Variants in PRR12 observed in about 807,000 individuals in gnomAD.
The protein encoded by PRR12 is proline rich 12, also known as proline-rich protein 12.
A neutral mutation model predicts 138.0 loss-of-function variants in PRR12; 12 were observed. That is an observed-to-expected ratio of 0.09 (90% CI 0.06 to 0.14). The LOEUF (loss-of-function observed/expected upper bound fraction) is 0.14. PRR12 is among the 10% of genes least tolerant of loss of function. The pLI, the probability that PRR12 is intolerant of heterozygous loss-of-function variation, is 1.00. For missense variants in PRR12, 2,692 were observed against 2,861.3 expected (o/e 0.94, Z 1.35); for synonymous variants, 1,567 against 1,291.7 (o/e 1.21, Z -4.57).
rs73934020 is a variant in PRR12 at position 49,614,305 on chromosome 19, G to C, written c.4774-228G>C. 2.6e-4 allele frequency among the ~76,000 whole-genome samples: 39 copies of C among 152,312 alleles called. No individual in the cohort carries two copies. The highest frequency in any genetic ancestry group is 9.1e-4 in the African/African-American group (38 of 41,574). ...AATAGTGACTCAAACTCTACAGCCT[G>C]AGAACGAGCAGCCCAATCCAGGGTA... is the stretch of plus-strand genomic sequence containing the variant. On this transcript the variant is annotated intron_variant, in intron 6 of 13. Coordinates refer to ENST00000418929, the MANE Select transcript of PRR12 (RefSeq NM_020719.3). The surrounding 1 kb of genome is among the most constrained non-coding windows in gnomAD (Gnocchi z 5.0).
At position 49,616,149 on chromosome 19, in the gene PRR12, T is replaced by C. The variant is rs1430696243; in HGVS notation, c.5427T>C (p.Ala1809=). ...GGCTGAAGGAGGCAGGCGGCAACGC[T>C]ACAGCAGGCGGGGGCCCACCAGGCA... ...KKWLKEAGGN[A]TAGGGPPGSS... Residue 1809 remains alanine, a synonymous_variant, in exon 9 of 14, where the codon GCT becomes GCC. Transcript: ENST00000418929. This position sits in a 1 kb window ranked among gnomAD's most constrained non-coding sequence, Gnocchi z 4.2. The C allele has an allele frequency of 6.4e-7, 1 of 1,564,172 alleles. No homozygotes were observed. The highest frequency in any genetic ancestry group is 8.7e-7 in the Non-Finnish European group (1 of 1,154,974).
rs922669055 is a variant in PRR12, at chr19:49,615,185, G to A, written c.5024+176G>A. Among the ~76,000 whole-genome samples, 16 of 151,164 alleles carry A rather than the reference G, an allele frequency of 1.1e-4. No homozygotes were observed. In the East Asian group the frequency reaches 1.2e-3, roughly 11 times the overall value. On this transcript the variant is annotated intron_variant, in intron 8 of 13. Coordinates refer to ENST00000418929, the MANE Select transcript of PRR12 (RefSeq NM_020719.3). ...AAATAGGGACAGAGACCCAGAGAAG[G>A]GGGGATAGAGACCCAGAGACAGGAG...
rs1452648194 is a variant in PRR12 at position 49,625,577 on chromosome 19, C to T, written c.6081C>T (p.Ala2027=). 1 of 1,611,254 alleles carries T rather than the reference C, an allele frequency of 6.2e-7. No individual in the cohort carries two copies. The highest frequency in any genetic ancestry group is 8.5e-7 in the Non-Finnish European group (1 of 1,178,892). Residue 2027 remains alanine (A), a synonymous_variant, in exon 14 of 14, where the codon GCC becomes GCT. Coordinates refer to ENST00000418929, the MANE Select transcript of PRR12 (RefSeq NM_020719.3). This position sits in a 1 kb window ranked among gnomAD's most constrained non-coding sequence, Gnocchi z 5.5. ...TTGACTCCTTCAGTGACCTGCTGGC[C>T]CAAGCACAGGCCCACAGCCGCTGCG... ...QLFDSFSDLL[A]QAQAHSRCG is the part of the protein sequence containing the mutation.
chr19:49,615,911 A>G lies in PRR12; in HGVS notation c.5189A>G (p.Glu1730Gly). ...GCCATGCCTGAGCCCCCTGCCCCCG[A>G]GAAGCCCTCCCTCCTGCGGCCTGTT... Reference protein sequence around the residue: ...ETAMPEPPAPEKPSLLRPVEK... With the variant: ...ETAMPEPPAPGKPSLLRPVEK... The change falls in exon 9 of 14, where the codon GAG becomes GGG. Residue 1730 changes from glutamate to glycine, a missense_variant. This residue lies in a region of PRR12 where 259 missense variants were observed against 265.1 expected (regional missense o/e 0.98). Transcript: ENST00000418929. 5 of 1,563,216 alleles carry G rather than the reference A, an allele frequency of 3.2e-6. No homozygotes were observed. The highest frequency in any genetic ancestry group is 4.3e-6 in the Non-Finnish European group (5 of 1,153,824).
Position 49,625,724 on chromosome 19 carries a change from G to C in PRR12, c.*117G>C, listed in dbSNP as rs1035396358. The C allele has an allele frequency of 8.8e-6, 12 of 1,371,014 alleles. No individual in the cohort carries two copies. The highest frequency in any genetic ancestry group is 4.5e-4 in the Middle Eastern group (2 of 4,408). The allele number at this position is 1,371,014 out of a possible 1,614,324, so 84.9% of individuals were successfully genotyped here. On this transcript the variant is annotated 3_prime_UTR_variant, in exon 14 of 14. Coordinates refer to ENST00000418929, the MANE Select transcript of PRR12 (RefSeq NM_020719.3). The surrounding 1 kb of genome is among the most constrained non-coding windows in gnomAD (Gnocchi z 5.5). ...GCCGGGGAAAGGGGGTCATGGGTCAGGGTGTGTCTGTGCTGCCCCCTCCAG... is the reference window on the plus strand; with the variant it reads ...GCCGGGGAAAGGGGGTCATGGGTCACGGTGTGTCTGTGCTGCCCCCTCCAG...
chr19:49,625,667 G>A lies in PRR12; in HGVS notation c.*60G>A, dbSNP rs893145346. ...ATGAACCGAGAATTGGGACAGAACC[G>A]TGTCCTCAGGAGCTAACACCTGGGC... is the stretch of plus-strand genomic sequence containing the variant. On this transcript the variant is annotated 3_prime_UTR_variant, in exon 14 of 14. Transcript: ENST00000418929. This position sits in a 1 kb window ranked among gnomAD's most constrained non-coding sequence, Gnocchi z 5.5. 2.7e-5 allele frequency: 41 copies of A among 1,530,480 alleles called. No homozygotes were observed. The highest frequency in any genetic ancestry group is 9.1e-5 in the East Asian group (4 of 43,740). 94.8% of individuals were successfully genotyped at this position (1,530,480 alleles called of 1,614,324 possible).
At chr19:49,604,723 T>C (rs1020360074) in intron 6 of PRR12, among the ~76,000 whole-genome samples, 7 of 152,116 alleles carry the variant, frequency 4.6e-5, no homozygotes, top group African/African-American at 1.7e-4. Context: ...TAAATGACCG[T>C]CACCACCATC....
Position 49,593,402 on chromosome 19 carries a change from C to G in PRR12, c.162C>G (p.His54Gln), listed in dbSNP as rs2080742519. 1.2e-6 allele frequency: 2 copies of G among 1,611,380 alleles called. No individual in the cohort carries two copies. The highest frequency in any genetic ancestry group is 2.7e-5 in the African/African-American group (2 of 74,918). Residue 54 changes from histidine to glutamine, a missense_variant, in exon 2 of 14, where the codon CAC (histidine) becomes CAG (glutamine). Physicochemically the swap from His to Gln is conservative, Grantham distance 24 (BLOSUM62 0). Transcript: ENST00000418929. ...ILHRQAYAAP[H>Q]PLQSYATNHH... Reference sequence around the variant, plus strand: ...ACCGCCAGGCCTATGCGGCCCCCCACCCACTGCAAAGCTATGCCACCAACC... The same window carrying G: ...ACCGCCAGGCCTATGCGGCCCCCCAGCCACTGCAAAGCTATGCCACCAACC...
rs747295340 is a variant in PRR12 at position 49,597,883 on chromosome 19, C to T, written c.3548C>T (p.Thr1183Ile). 12 of 1,443,850 alleles carry T rather than the reference C, an allele frequency of 8.3e-6. No individual in the cohort carries two copies. In the African/African-American group the frequency reaches 1.5e-4, roughly 17 times the overall value. 89.4% of individuals were successfully genotyped at this position (1,443,850 alleles called of 1,614,324 possible). Residue 1183 changes from threonine to isoleucine, a missense_variant, in exon 4 of 14, where the codon ACC becomes ATC. Coordinates refer to ENST00000418929, the MANE Select transcript of PRR12 (RefSeq NM_020719.3). This position sits in a 1 kb window ranked among gnomAD's most constrained non-coding sequence, Gnocchi z 6.3. ...CGGATCCGCCCCCTGGAGGTCCCGA[C>T]CACTGCGGGGCCCGCCTCGGCCTCC... The part of the protein sequence containing the change: ...RPRIRPLEVP[T>I]TAGPASASTP...
chr19:49,596,476 C>T lies in PRR12; in HGVS notation c.2141C>T (p.Ala714Val). Residue 714 changes from alanine to valine, a missense_variant, in exon 4 of 14, where the codon GCC becomes GTC. By Grantham distance (64) the Ala-to-Val change is moderately conservative. Transcript: ENST00000418929. This position sits in a 1 kb window ranked among gnomAD's most constrained non-coding sequence, Gnocchi z 5.6. ...IRTSASLDEG[A>V]TAALELGLGR... ...ACCAGTGCCAGCCTGGATGAGGGTG[C>T]CACTGCGGCACTGGAGCTGGGCCTG... 6.2e-7 allele frequency: 1 copy of T among 1,610,792 alleles called. No individual in the cohort carries two copies. The highest frequency in any genetic ancestry group is 8.5e-7 in the Non-Finnish European group (1 of 1,179,210).
At chr19:49,592,077 T>G in intron 1 of PRR12, among the ~76,000 whole-genome samples, 2 of 147,762 alleles carry the variant, frequency 1.4e-5, no homozygotes, top group East Asian at 2.0e-4. Flanking sequence ...TGGTGACCCC[T>G]CCCCCCCGCG....
rs1334644270 is a variant in PRR12 at position 49,596,014 on chromosome 19, G to C, written c.1679G>C (p.Ser560Thr). The change falls in exon 4 of 14, where the codon AGC becomes ACC. Residue 560 changes from serine (S) to threonine (T), a missense_variant. Around this residue, in one of 11 missense-constraint regions of PRR12, gnomAD observed 66 missense variants for 102.4 expected, o/e 0.64. Transcript: ENST00000418929. This position sits in a 1 kb window ranked among gnomAD's most constrained non-coding sequence, Gnocchi z 5.6. ...TCCCTGGGAGGCGGCGGTGAGGCCA[G>C]CCCATCTCACATCATTCGTCCGCTC... ...PSSLGGGGEA[S>T]PSHIIRPLQS... 1 of 1,601,248 alleles carries C rather than the reference G, an allele frequency of 6.2e-7. No homozygotes were observed. The highest frequency in any genetic ancestry group is 8.5e-7 in the Non-Finnish European group (1 of 1,179,696).
Position 49,597,086 on chromosome 19 carries a change from C to A in PRR12, c.2751C>A (p.Ser917Arg). The A allele has an allele frequency of 6.4e-7, 1 of 1,552,074 alleles. No individual in the cohort carries two copies. The highest frequency in any genetic ancestry group is 8.7e-7 in the Non-Finnish European group (1 of 1,148,138). ...KDPAGAYRSPSPQGTKAPRFV... is the reference protein window; with the variant it reads ...KDPAGAYRSPRPQGTKAPRFV... The stretch of plus-strand genomic sequence containing the variant: ...CCGCAGGCGCCTACCGCAGCCCCAG[C>A]CCGCAAGGCACCAAGGCGCCGCGTT... Residue 917 changes from serine (S) to arginine (R), a missense_variant, in exon 4 of 14, where the codon AGC becomes AGA. By Grantham distance (110) the Ser-to-Arg change is moderately radical. Coordinates refer to ENST00000418929, the MANE Select transcript of PRR12 (RefSeq NM_020719.3). This position sits in a 1 kb window ranked among gnomAD's most constrained non-coding sequence, Gnocchi z 6.3.
At position 49,616,204 on chromosome 19, in the gene PRR12, GC is replaced by G; in HGVS notation, c.5487del (p.Ser1830AlafsTer29). The G allele has an allele frequency of 6.5e-7, 1 of 1,539,470 alleles. No individual in the cohort carries two copies. Among genetic ancestry groups the G allele is most frequent in the Non-Finnish European group, 8.8e-7 (1 of 1,141,492 alleles). ...SSSDSESSPG[A>X]PSEDERAVPG... ...CTCGGACTCGGAGTCCTCCCCTGGA[GC>G]CCCCAGCGAGGACGGTGAGGCCCTA... On this transcript the variant is annotated frameshift_variant, in exon 9 of 14. Coordinates refer to ENST00000418929, the MANE Select transcript of PRR12 (RefSeq NM_020719.3). LOFTEE classifies it high-confidence loss of function. The surrounding 1 kb of genome is among the most constrained non-coding windows in gnomAD (Gnocchi z 4.2).
Position 49,599,442 on chromosome 19 carries a change from C to A in PRR12, c.3849C>A (p.Ala1283=). Residue 1283 remains alanine, a synonymous_variant, in exon 5 of 14, where the codon GCC becomes GCA. Transcript: ENST00000418929. This position sits in a 1 kb window ranked among gnomAD's most constrained non-coding sequence, Gnocchi z 5.0. ...CGGAGATGAAGTCGGGTTTCATGGC[C>A]TCCTTCTTGGACTTCCTCAAGTCAG... is the stretch of plus-strand genomic sequence containing the variant. ...KQPEMKSGFM[A]SFLDFLKSGK... The A allele has an allele frequency of 6.2e-7, 1 of 1,607,356 alleles. No homozygotes were observed. The highest frequency in any genetic ancestry group is 2.2e-5 in the East Asian group (1 of 44,600).
chr19:49,599,895 C>G lies in PRR12; in HGVS notation c.4302C>G (p.Pro1434=). The change falls in exon 5 of 14, where the codon CCC becomes CCG. Residue 1434 remains proline (P), a synonymous_variant. Coordinates refer to ENST00000418929, the MANE Select transcript of PRR12 (RefSeq NM_020719.3). This position sits in a 1 kb window ranked among gnomAD's most constrained non-coding sequence, Gnocchi z 5.0. ...CCGCGGCTGCAGTTCCAGGGCCACC[C>G]CCTCTTCCGGGGCTCCCCAGTGCCA... ...LAPAAAVPGP[P]PLPGLPSANS... 6.2e-7 allele frequency: 1 copy of G among 1,611,024 alleles called. No homozygotes were observed. Among genetic ancestry groups the G allele is most frequent in the Non-Finnish European group, 8.5e-7 (1 of 1,178,534 alleles).
Position 49,595,326 on chromosome 19 carries a change from T to A in PRR12, c.991T>A (p.Cys331Ser). ...CATGGGCCACCGGGCCAACCTGGCC[T>A]GCAGCCCCCTGGGTGGTGGGGAGCC... The part of the protein sequence containing the change: ...PSMGHRANLA[C>S]SPLGGGEPSP... The change falls in exon 4 of 14, where the codon TGC becomes AGC. Residue 331 changes from cysteine (C) to serine (S), a missense_variant. Cys to Ser is a moderately radical substitution (Grantham distance 112, BLOSUM62 -1). Transcript: ENST00000418929. The A allele has an allele frequency of 6.5e-7, 1 of 1,544,754 alleles. No individual in the cohort carries two copies. The highest frequency in any genetic ancestry group is 8.7e-7 in the Non-Finnish European group (1 of 1,145,590).
At position 49,625,768 on chromosome 19, in the gene PRR12, A is replaced by T; in HGVS notation, c.*161A>T. ...CCTCCAGGGCAGGGTTCAAAGTCCG[A>T]CTCCCCCCCTCTCCCAAGCCCCCTC... On this transcript the variant is annotated 3_prime_UTR_variant, in exon 14 of 14. Transcript: ENST00000418929. The surrounding 1 kb of genome is among the most constrained non-coding windows in gnomAD (Gnocchi z 5.5). The T allele has an allele frequency of 2.4e-6, 2 of 827,350 alleles. No individual in the cohort carries two copies. Among genetic ancestry groups the T allele is most frequent in the South Asian group, 3.6e-5 (1 of 27,880 alleles). 51.3% of individuals were successfully genotyped at this position (827,350 alleles called of 1,614,324 possible). A position where few individuals can be genotyped will look rare whatever the true frequency, so the allele number is the denominator to read the frequency against.
intron 6 of PRR12, among the ~76,000 whole-genome samples, chr19:49,608,728 T>C (rs2080850619): frequency 6.6e-6 from 1 of 151,882 alleles, no homozygotes; most frequent in South Asian, 2.1e-4. Context: ...TAGTCCCGGC[T>C]ACTGGAGAGG....
Sources: gnomAD v4.1 joint callset for allele counts (sites outside exome capture counted in the v4.1 genomes callset) on GRCh38, gnomAD v4.1.1 for gene constraint, gnomAD v4.1.1 regional missense constraint, Gnocchi (gnomAD v3.1) non-coding constraint, MANE v1.5 for transcripts, NCBI Gene and HGNC (gene_info 2026-07-23, HGNC 2026-07-21) for gene names.